The following PLCH1 variants were observed in gnomAD, a reference collection of about 807,000 sequenced individuals.
PLCH1 encodes the protein phospholipase C eta 1.
A neutral mutation model predicts 126.7 loss-of-function variants in PLCH1; 60 were observed. The ratio of observed to expected loss-of-function variants is 0.47; its 90% CI spans 0.38 to 0.59. PLCH1 has a LOEUF of 0.59. PLCH1 is among the 20% of genes least tolerant of loss of function. The pLI, the probability that PLCH1 is intolerant of heterozygous loss-of-function variation, is 0.00. For synonymous variants in PLCH1, 719 were observed against 734.9 expected (o/e 0.98, Z 0.35); for missense variants, 1,723 against 2,040.0 (o/e 0.84, Z 2.99).
At chr3:155,718,141 AT>A (rs1040754692) in intron 1 of PLCH1, among the ~76,000 whole-genome samples, 38 of 152,100 alleles carry the variant, frequency 2.5e-4, no homozygotes, top group Non-Finnish European at 4.1e-4. Context: ...ATGCAGCCAA[AT>A]TTTTTTCCTA....
chr3:155,696,046 C>T (rs1476275136), intron 2 of PLCH1, among the ~76,000 whole-genome samples: 2 of 152,048 alleles, frequency 1.3e-5, no homozygotes, highest in African/African-American at 4.8e-5. Flanking sequence ...TCTGAGTATT[C>T]GGCATAGAGG....
chr3:155,525,326 T>C (rs1721754222), intron 10 of PLCH1, among the ~76,000 whole-genome samples: 1 of 151,990 alleles, frequency 6.6e-6, no homozygotes, highest in Non-Finnish European at 1.5e-5. Flanking sequence ...GGGAAGTGAT[T>C]AAGTCATGAG....
intron 2 of PLCH1, among the ~76,000 whole-genome samples, chr3:155,639,700 T>C (rs1371064197): frequency 6.6e-6 from 1 of 152,160 alleles, no homozygotes; most frequent in Non-Finnish European, 1.5e-5. Flanking sequence ...CTCTAGCCCA[T>C]CAGATTCACT....
intron 8 of PLCH1, among the ~76,000 whole-genome samples, chr3:155,561,354 A>T (rs1727584954): frequency 1.4e-5 from 2 of 143,606 alleles, no homozygotes; most frequent in Non-Finnish European, 3.0e-5. Context: ...TCATTGTTCA[A>T]TTCCCACCTA....
intron 2 of PLCH1, among the ~76,000 whole-genome samples, chr3:155,697,085 G>A (rs1259231809): frequency 6.6e-6 from 1 of 152,146 alleles, no homozygotes; most frequent in Admixed American, 6.5e-5. Flanking sequence ...AGATCACAGT[G>A]GGTTCAGTTA....
At chr3:155,606,543 A>T (rs1734386571) in intron 2 of PLCH1, among the ~76,000 whole-genome samples, 1 of 152,248 alleles carries the variant, frequency 6.6e-6, no homozygotes, top group South Asian at 2.1e-4. Context: ...ATAATTAGCT[A>T]CGTAGGAAAT....
At chr3:155,529,905 T>A (rs942064943) in intron 10 of PLCH1, among the ~76,000 whole-genome samples, 1 of 152,144 alleles carries the variant, frequency 6.6e-6, no homozygotes, top group African/African-American at 2.4e-5. Context: ...TAGCTGGGAT[T>A]ACAGGCATGC....
chr3:155,731,848 C>T (rs114262613), intron 1 of PLCH1, among the ~76,000 whole-genome samples: 6 of 151,894 alleles, frequency 4.0e-5, no homozygotes, highest in East Asian at 1.9e-4. Flanking sequence ...CCAAGCATGG[C>T]GGCACACACC....
At chr3:155,469,403 C>T (rs553518668) in intron 21 of PLCH1, among the ~76,000 whole-genome samples, 14 of 152,174 alleles carry the variant, frequency 9.2e-5, no homozygotes, top group Non-Finnish European at 1.6e-4. Context: ...GATTATATCC[C>T]GCACCTGGCT....
At chr3:155,456,668 C>A (rs1046204593) in intron 21 of PLCH1, 2 of 152,274 alleles carry the variant, frequency 1.3e-5, no homozygotes, top group African/African-American at 4.8e-5. Context: ...ACCACTCATA[C>A]CTTCTCTTCT....
At chr3:155,592,288 T>C (rs1479414570) in intron 4 of PLCH1, among the ~76,000 whole-genome samples, 1 of 139,192 alleles carries the variant, frequency 7.2e-6, no homozygotes, top group Non-Finnish European at 1.5e-5. Flanking sequence ...ATCAAGACCA[T>C]CCTGGCTAAC....
chr3:155,600,602 TAA>T (rs5853725), intron 2 of PLCH1, among the ~76,000 whole-genome samples: 287 of 128,146 alleles, frequency 2.2e-3, no homozygotes, highest in Middle Eastern at 8.1e-3. Flanking sequence ...TTAAGATAGC[TAA>T]AAAAAAAAAA....
At chr3:155,744,358 G>A (rs575032448) in intron 1 of PLCH1, among the ~76,000 whole-genome samples, 55 of 152,318 alleles carry the variant, frequency 3.6e-4, no homozygotes, top group African/African-American at 7.9e-4. Context: ...GAGGTCCTGA[G>A]CAGGGTCACC....
In PLCH1 at chr3:155,522,963, C is replaced by CG. The variant is rs547629056; in HGVS notation, c.1470+933dup. On this transcript the variant is annotated intron_variant, in intron 11 of 22. Transcript: ENST00000460012. ...GCTAAATGATGCTTTTCTTTTTTTGCGGGGGGGGTGGGGTGTGGGGTTGGA... is the reference window on the plus strand; with the variant it reads ...GCTAAATGATGCTTTTCTTTTTTTGCGGGGGGGGGTGGGGTGTGGGGTTGGA... Among the ~76,000 whole-genome samples the CG allele has an allele frequency of 8.8e-3, 378 of 42,790 alleles. 6 individuals carry two copies. Among genetic ancestry groups the CG allele is most frequent in the Middle Eastern group, 0.061 (5 of 82 alleles). The allele number at this position is 42,790 out of a possible 152,430, so 28.1% of individuals were successfully genotyped here. A position where few individuals can be genotyped will look rare whatever the true frequency, so the allele number is the denominator to read the frequency against.
intron 6 of PLCH1, among the ~76,000 whole-genome samples, chr3:155,581,005 T>G (rs114709666): frequency 6.6e-6 from 1 of 152,212 alleles, no homozygotes; most frequent in East Asian, 1.9e-4. Context: ...GAAATGTTAC[T>G]AATCCAAGCA....
intron 12 of PLCH1, among the ~76,000 whole-genome samples, chr3:155,514,219 G>A (rs1042975426): frequency 2.6e-5 from 4 of 152,168 alleles, no homozygotes; most frequent in African/African-American, 9.7e-5. Flanking sequence ...AACTAAATGG[G>A]CCTGAGGAAC....
intron 1 of PLCH1, among the ~76,000 whole-genome samples, chr3:155,727,212 G>T (rs1306052792): frequency 2.0e-5 from 3 of 151,716 alleles, no homozygotes; most frequent in African/African-American, 7.3e-5. Context: ...TCTTAAGCTC[G>T]TATCTTGTGT....
chr3:155,725,361 C>T (rs1411587468), intron 1 of PLCH1, among the ~76,000 whole-genome samples: 1 of 151,974 alleles, frequency 6.6e-6, no homozygotes, highest in African/African-American at 2.4e-5. Flanking sequence ...TGTCTTATGT[C>T]AAAATTGCCA....
downstream of PLCH1, among the ~76,000 whole-genome samples, chr3:155,477,700 C>T (rs1713602630): frequency 6.6e-6 from 1 of 152,084 alleles, no homozygotes; most frequent in South Asian, 2.1e-4. Flanking sequence ...AATGAGATAT[C>T]ATCTCACCCC....
Sources: gnomAD v4.1 joint callset for allele counts (sites outside exome capture counted in the v4.1 genomes callset) on GRCh38, gnomAD v4.1.1 for gene constraint, MANE v1.5 for transcripts, NCBI Gene and HGNC (gene_info 2026-07-23, HGNC 2026-07-21) for gene names.